Variants in PHACTR1 observed in about 807,000 individuals in gnomAD.
PHACTR1 encodes the protein RPEL repeat containing 1.
PHACTR1 carries 16 observed loss-of-function variants against 69.2 expected under a neutral mutation model. The observed-to-expected ratio is 0.23, with a 90% CI of 0.16 to 0.35. The LOEUF (loss-of-function observed/expected upper bound fraction) is 0.35, where lower values mean the gene tolerates loss of function less well. Among genes scored for constraint, PHACTR1 ranks in the 10% least tolerant of loss-of-function variants. The pLI is 1.00. For synonymous variants in PHACTR1, 312 were observed against 284.5 expected (o/e 1.10, Z -0.97); for missense variants, 510 against 734.7 (o/e 0.69, Z 3.54).
intron 4 of PHACTR1, among the ~76,000 whole-genome samples, chr6:12,924,100 T>A (rs114735457): frequency 0.023 from 3,531 of 152,260 alleles, 68 homozygotes; most frequent in Middle Eastern, 0.061. Context: ...TTGGGGTAAG[T>A]TTTGGAGGCA....
intron 4 of PHACTR1, among the ~76,000 whole-genome samples, chr6:12,986,792 G>C (rs1347025250): frequency 6.6e-6 from 1 of 152,168 alleles, no homozygotes; most frequent in Non-Finnish European, 1.5e-5. Flanking sequence ...TATTTGAGCA[G>C]TCCTTGATCC....
intron 4 of PHACTR1, among the ~76,000 whole-genome samples, chr6:12,907,970 C>T (rs1360395620): frequency 3.3e-5 from 5 of 152,164 alleles, no homozygotes; most frequent in Admixed American, 2.0e-4. Flanking sequence ...TATAAAAAGA[C>T]AACCTGTGTG....
chr6:13,197,348 G>C (rs1441159368), intron 7 of PHACTR1, among the ~76,000 whole-genome samples: 1 of 152,144 alleles, frequency 6.6e-6, no homozygotes, highest in Non-Finnish European at 1.5e-5. Context: ...TCAACCCTAA[G>C]GTCCCCTCAG....
chr6:13,244,038 C>T (rs143301107), intron 10 of PHACTR1, among the ~76,000 whole-genome samples: 2,210 of 152,204 alleles, frequency 0.015, 44 homozygotes, highest in African/African-American at 0.049. Context: ...CCGATAATCA[C>T]GTAGGTTCTT....
rs980438597 is a variant in PHACTR1, at chr6:12,975,998, C to T, written c.251-77367C>T. On this transcript the variant is annotated intron_variant, in intron 4 of 14. Transcript: ENST00000332995. ...GATATGCTTTTAGAAATATATGGGG[C>T]GGGAGGAATGGGAAAATTTAATTCC... is the stretch of plus-strand genomic sequence containing the variant. 8.5e-5 allele frequency among the ~76,000 whole-genome samples: 13 copies of T among 152,182 alleles called. No individual in the cohort carries two copies. In the East Asian group the frequency reaches 1.2e-3, roughly 14 times the overall value.
intron 4 of PHACTR1, among the ~76,000 whole-genome samples, chr6:12,768,205 C>T (rs1768902563): frequency 6.6e-6 from 1 of 150,726 alleles, no homozygotes; most frequent in Non-Finnish European, 1.5e-5. Flanking sequence ...AGCTCCGCCT[C>T]CGGGGTTCAC....
Position 12,794,849 on chromosome 6 carries a change from C to T in PHACTR1, c.250+45059C>T, listed in dbSNP as rs190671860. On this transcript the variant is annotated intron_variant, in intron 4 of 14. Transcript: ENST00000332995. The stretch of plus-strand genomic sequence containing the variant: ...CATAGGGATTAGAGAGAGTGGGGAA[C>T]GTAGAGGGGAGGCAGGGGCCAGATG... Among the ~76,000 whole-genome samples the T allele has an allele frequency of 3.2e-3, 482 of 152,018 alleles. 3 individuals carry two copies. The highest frequency in any genetic ancestry group is 4.3e-3 in the Non-Finnish European group (291 of 68,006).
intron 4 of PHACTR1, among the ~76,000 whole-genome samples, chr6:12,935,465 A>G (rs1272519140): frequency 1.3e-5 from 2 of 152,098 alleles, no homozygotes; most frequent in Admixed American, 1.3e-4. Context: ...GCTGGTCTCG[A>G]ACTTTTGACC....
rs564548045 is a variant in PHACTR1 at position 12,774,736 on chromosome 6, GCT to G, written c.250+24947_250+24948del. Among the ~76,000 whole-genome samples, 527 of 152,232 alleles carry G rather than the reference GCT, an allele frequency of 3.5e-3. 4 individuals are homozygous for G. Among genetic ancestry groups the G allele is most frequent in the Non-Finnish European group, 5.6e-3 (380 of 68,016 alleles). On this transcript the variant is annotated intron_variant, in intron 4 of 14. Transcript: ENST00000332995. ...ATATTCAAGGCAATACTTTGTCAAG[GCT>G]TTAAGTATCTGTAGGATGTTTAAAT...
chr6:13,237,734 C>T (rs565340572), intron 10 of PHACTR1, among the ~76,000 whole-genome samples: 2 of 152,226 alleles, frequency 1.3e-5, no homozygotes, highest in Admixed American at 1.3e-4. Flanking sequence ...GTGTGGCCAT[C>T]ATGAAGTGTA....
chr6:13,240,636 G>A (rs1240290379), intron 10 of PHACTR1, among the ~76,000 whole-genome samples: 1 of 151,970 alleles, frequency 6.6e-6, no homozygotes, highest in Non-Finnish European at 1.5e-5. Flanking sequence ...TAGTAGAAAT[G>A]GGGTTTTGAC....
chr6:12,863,412 T>C (rs1226600894), intron 4 of PHACTR1, among the ~76,000 whole-genome samples: 2 of 152,214 alleles, frequency 1.3e-5, no homozygotes, highest in Non-Finnish European at 2.9e-5. Context: ...TGACCTCCTA[T>C]AAACCTGATT....
chr6:13,012,863 A>T (rs1799598784), intron 4 of PHACTR1, among the ~76,000 whole-genome samples: 2 of 152,178 alleles, frequency 1.3e-5, no homozygotes, highest in South Asian at 4.1e-4. Context: ...TAATAATTAC[A>T]AGTTATTGAG....
intron 5 of PHACTR1, among the ~76,000 whole-genome samples, chr6:13,078,758 C>G (rs561921437): frequency 6.6e-6 from 1 of 152,300 alleles, no homozygotes; most frequent in Non-Finnish European, 1.5e-5. Context: ...ATCCTTCCCC[C>G]AGAGATCATA....
At chr6:12,776,780 G>A (rs925907146) in intron 4 of PHACTR1, among the ~76,000 whole-genome samples, 2 of 152,070 alleles carry the variant, frequency 1.3e-5, no homozygotes, top group African/African-American at 4.8e-5. Context: ...GGATCCTTAC[G>A]TTCTTCTTAC....
At chr6:13,026,330 T>G (rs1050358772) in intron 4 of PHACTR1, among the ~76,000 whole-genome samples, 3 of 152,198 alleles carry the variant, frequency 2.0e-5, no homozygotes, top group Non-Finnish European at 4.4e-5. Flanking sequence ...TCCAGTAGCC[T>G]CCAAACCAAC....
chr6:13,239,013 A>AT lies in PHACTR1; in HGVS notation c.1391+8821dup, dbSNP rs1167989860. Reference sequence around the variant, plus strand: ...GTGCGCCATTATCATCACCATCATCATCCTCCTCCTCATCCTCATCTTCAT... The same window carrying AT: ...GTGCGCCATTATCATCACCATCATCATTCCTCCTCCTCATCCTCATCTTCAT... On this transcript the variant is annotated intron_variant, in intron 10 of 14. Coordinates refer to ENST00000332995, the MANE Select transcript of PHACTR1 (RefSeq NM_030948.6). 2.0e-5 allele frequency among the ~76,000 whole-genome samples: 3 copies of AT among 152,078 alleles called. No homozygotes were observed. In the East Asian group the frequency reaches 5.8e-4, roughly 29 times the overall value.
At chr6:12,885,296 G>A (rs905386349) in intron 4 of PHACTR1, among the ~76,000 whole-genome samples, 6 of 152,216 alleles carry the variant, frequency 3.9e-5, no homozygotes, top group Admixed American at 2.6e-4. Context: ...TCTGGGGGAA[G>A]GCTGTCCTCA....
intron 4 of PHACTR1, among the ~76,000 whole-genome samples, chr6:13,022,489 C>T (rs1445130416): frequency 6.6e-6 from 1 of 152,110 alleles, no homozygotes; most frequent in Non-Finnish European, 1.5e-5. Flanking sequence ...ACACAAGATA[C>T]TTATACGAAA....
Sources: allele counts gnomAD v4.1 joint callset (sites outside exome capture counted in the v4.1 genomes callset), GRCh38; gene constraint gnomAD v4.1.1; transcripts MANE v1.5; gene names NCBI Gene and HGNC (gene_info 2026-07-23, HGNC 2026-07-21).